ZC3H7B: variants seen among roughly 807,000 people sequenced by gnomAD.
ZC3H7B encodes the protein zinc finger CCCH domain-containing protein 7B.
ZC3H7B carries 35 observed loss-of-function variants against 116.0 expected under a neutral mutation model. The ratio of observed to expected loss-of-function variants is 0.30; its 90% CI spans 0.23 to 0.40. The LOEUF (loss-of-function observed/expected upper bound fraction) is 0.40. Among genes scored for constraint, ZC3H7B ranks in the 10% least tolerant of loss-of-function variants. The pLI is 1.00. For missense variants in ZC3H7B, 1,011 were observed against 1,321.5 expected, an observed-to-expected ratio of 0.77 and a Z score of 3.64; for synonymous variants, 502 against 545.6, an observed-to-expected ratio of 0.92 and a Z score of 1.11.
rs1015357938 is a variant in ZC3H7B at position 41,359,554 on chromosome 22, G to A, written c.*2125G>A. The A allele has an allele frequency of 1.3e-5, 2 of 152,206 alleles. No individual in the cohort carries two copies. Among genetic ancestry groups the A allele is most frequent in the Admixed American group, 6.5e-5 (1 of 15,270 alleles). The allele number at this position is 152,206 out of a possible 1,614,324, so 9.4% of individuals were successfully genotyped here. On this transcript the variant is annotated 3_prime_UTR_variant, in exon 23 of 23. Coordinates refer to ENST00000352645, the MANE Select transcript of ZC3H7B (RefSeq NM_017590.6). ...GCTTCCCAGACCACCCCCATCGAGTGCGGAGAGAGTGGGAGTGCTCAGGGA... is the reference window on the plus strand; with the variant it reads ...GCTTCCCAGACCACCCCCATCGAGTACGGAGAGAGTGGGAGTGCTCAGGGA...
At position 41,330,121 on chromosome 22, in the gene ZC3H7B, C is replaced by T; in HGVS notation, c.525+18C>T. ...GGCCCCAGGTAGGTGGGTTCGGGAC[C>T]CTGGGAGGGTCGGTGTGGACGTGAG... On this transcript the variant is annotated intron_variant, in intron 6 of 22. Transcript: ENST00000352645. 2 of 1,613,428 alleles carry T rather than the reference C, an allele frequency of 1.2e-6. No homozygotes were observed. The highest frequency in any genetic ancestry group is 1.1e-5 in the South Asian group (1 of 91,032).
At chr22:41,352,537 C>T (rs1233267956) in intron 17 of ZC3H7B, among the ~76,000 whole-genome samples, 5 of 152,104 alleles carry the variant, frequency 3.3e-5, no homozygotes, top group Admixed American at 6.5e-5. Flanking sequence ...CTGAGGCGGG[C>T]GGGTCACGAG....
At chr22:41,356,192 A>G in intron 20 of ZC3H7B, 130 bp downstream of exon 20, 7 of 1,472,844 alleles carry the variant, frequency 4.8e-6, no homozygotes, top group Non-Finnish European at 6.4e-6. Flanking sequence ...CACCTGCCCC[A>G]TGCCGGGCCC....
intron 13 of ZC3H7B, among the ~76,000 whole-genome samples, chr22:41,345,043 T>C (rs925869767): frequency 1.4e-4 from 21 of 152,072 alleles, no homozygotes; most frequent in African/African-American, 4.6e-4. Context: ...TTGAAGTCCT[T>C]GCCTCAAGCA....
chr22:41,313,570 C>A (rs1447585079), intron 1 of ZC3H7B, among the ~76,000 whole-genome samples: 1 of 152,082 alleles, frequency 6.6e-6, no homozygotes, highest in African/African-American at 2.4e-5. Context: ...GCAGGGCCTG[C>A]CTTGCTCATT....
intron 1 of ZC3H7B, among the ~76,000 whole-genome samples, chr22:41,303,959 G>A (rs1432487346): frequency 2.0e-5 from 3 of 152,152 alleles, no homozygotes; most frequent in South Asian, 2.1e-4. Context: ...GGGTTTCACC[G>A]TGTTAGCCAG....
rs539225270 is a variant in ZC3H7B, at chr22:41,346,926, C to T, written c.1665+718C>T. ...AGGCTGCAGTGAGCCAAGATCGAAC[C>T]ACTGCACTCCAGCCTGGGTGACAGA... is the stretch of plus-strand genomic sequence containing the variant. On this transcript the variant is annotated intron_variant, in intron 14 of 22. Transcript: ENST00000352645. The surrounding 1 kb of genome is among the most constrained non-coding windows in gnomAD (Gnocchi z 5.3). Among the ~76,000 whole-genome samples the T allele has an allele frequency of 6.6e-6, 1 of 150,688 alleles. No individual in the cohort carries two copies. The highest frequency in any genetic ancestry group is 2.5e-5 in the African/African-American group (1 of 40,794).
chr22:41,353,679 A>T (rs2036680498), intron 17 of ZC3H7B, among the ~76,000 whole-genome samples: 1 of 152,208 alleles, frequency 6.6e-6, no homozygotes, highest in South Asian at 2.1e-4. Flanking sequence ...GAGGCTGACC[A>T]GGGTGTGGCA....
Position 41,338,389 on chromosome 22 carries a change from T to C in ZC3H7B, c.625+34T>C, listed in dbSNP as rs373953521. On this transcript the variant is annotated intron_variant, in intron 8 of 22. Transcript: ENST00000352645. This position sits in a 1 kb window ranked among gnomAD's most constrained non-coding sequence, Gnocchi z 4.5. The stretch of plus-strand genomic sequence containing the variant: ...CCCGATACGAGGGAACAAGTGGAAA[T>C]TGGGGCCCCGAGAGGTCAGGGGAGT... 70 of 1,610,460 alleles carry C rather than the reference T, an allele frequency of 4.3e-5. No individual in the cohort carries two copies. The highest frequency in any genetic ancestry group is 3.3e-4 in the African/African-American group (25 of 74,890).
rs1264951064 is a variant in ZC3H7B, at chr22:41,356,765, T to G, written c.2638T>G (p.Trp880Gly). 6.2e-7 allele frequency: 1 copy of G among 1,613,484 alleles called. No individual in the cohort carries two copies. The highest frequency in any genetic ancestry group is 1.3e-5 in the African/African-American group (1 of 74,946). Residue 880 changes from tryptophan to glycine, a missense_variant, in exon 22 of 23, where the codon TGG (tryptophan) becomes GGG (glycine). By Grantham distance (184) the Trp-to-Gly change is radical. Transcript: ENST00000352645. ...CACGTCCGACAGTGACGCCAGCGGC[T>G]GGGCCTTCCGCTTCCCCATGGGCGA... The part of the protein sequence containing the change: ...VFTSDSDASG[W>G]AFRFPMGEFR...
chr22:41,338,565 G>T lies in ZC3H7B; in HGVS notation c.625+210G>T, dbSNP rs537031331. Among the ~76,000 whole-genome samples the T allele has an allele frequency of 1.1e-4, 16 of 152,222 alleles. No individual in the cohort carries two copies. The highest frequency in any genetic ancestry group is 3.4e-4 in the African/African-American group (14 of 41,534). On this transcript the variant is annotated intron_variant, in intron 8 of 22. Transcript: ENST00000352645. The surrounding 1 kb of genome is among the most constrained non-coding windows in gnomAD (Gnocchi z 4.5). ...GGCATCTCTAGTCTGGCAGAGAGGGGTGCTGCCTCTTAGCTAGGTGCAACA... is the reference window on the plus strand; with the variant it reads ...GGCATCTCTAGTCTGGCAGAGAGGGTTGCTGCCTCTTAGCTAGGTGCAACA...
At chr22:41,306,925 T>C (rs183516509) in intron 1 of ZC3H7B, among the ~76,000 whole-genome samples, 1 of 150,266 alleles carries the variant, frequency 6.7e-6, no homozygotes, top group African/African-American at 2.4e-5. Flanking sequence ...GGGCTGATGA[T>C]GGGCTGTGCG....
chr22:41,305,549 A>G (rs1044070516), intron 1 of ZC3H7B, among the ~76,000 whole-genome samples: 3 of 152,054 alleles, frequency 2.0e-5, no homozygotes, highest in Admixed American at 1.3e-4. Flanking sequence ...TGAATTAGCA[A>G]ATGAAACTGG....
At chr22:41,324,096 G>T (rs1484235385) in intron 2 of ZC3H7B, among the ~76,000 whole-genome samples, 2 of 151,974 alleles carry the variant, frequency 1.3e-5, no homozygotes, top group Admixed American at 6.6e-5. Flanking sequence ...TCTTAGGACC[G>T]CATGACCTAT....
At chr22:41,308,391 T>C (rs184803316) in intron 1 of ZC3H7B, among the ~76,000 whole-genome samples, 1 of 152,306 alleles carries the variant, frequency 6.6e-6, no homozygotes, top group East Asian at 1.9e-4. Context: ...CTCCTGTTCA[T>C]GCTGGCTGTA....
At chr22:41,311,152 A>G (rs2036114399) in intron 1 of ZC3H7B, among the ~76,000 whole-genome samples, 1 of 148,910 alleles carries the variant, frequency 6.7e-6, no homozygotes, top group South Asian at 2.1e-4. Context: ...GGGGAGTGAC[A>G]TTGGCATATG....
Position 41,314,181 on chromosome 22 carries a change from G to A in ZC3H7B, c.-6-6474G>A, listed in dbSNP as rs1027787321. On this transcript the variant is annotated intron_variant, in intron 1 of 22. Coordinates refer to ENST00000352645, the MANE Select transcript of ZC3H7B (RefSeq NM_017590.6). ...TTTATTTATTTATTTTTTTGAGATG[G>A]AGTCTTGCTCTGTCACCCAGGCTGG... is the stretch of plus-strand genomic sequence containing the variant. Among the ~76,000 whole-genome samples the A allele has an allele frequency of 2.0e-5, 3 of 150,290 alleles. No homozygotes were observed. In the South Asian group the frequency reaches 6.3e-4, roughly 32 times the overall value.
chr22:41,356,787 G>T lies in ZC3H7B; in HGVS notation c.2660G>T (p.Gly887Val). The change falls in exon 22 of 23, where the codon GGC (glycine) becomes GTC (valine). Residue 887 changes from glycine to valine, a missense_variant. Gly to Val is a moderately radical substitution (Grantham distance 109). This residue lies in a region of ZC3H7B where 406 missense variants were observed against 590.2 expected (regional missense o/e 0.69). Coordinates refer to ENST00000352645, the MANE Select transcript of ZC3H7B (RefSeq NM_017590.6). Reference sequence around the variant, plus strand: ...GGCTGGGCCTTCCGCTTCCCCATGGGCGAGTTCCGGCTCTGCGACAGGTGC... The same window carrying T: ...GGCTGGGCCTTCCGCTTCCCCATGGTCGAGTTCCGGCTCTGCGACAGGTGC... ...ASGWAFRFPM[G>V]EFRLCDRLQK... The T allele has an allele frequency of 6.2e-7, 1 of 1,613,486 alleles. No individual in the cohort carries two copies. The highest frequency in any genetic ancestry group is 8.5e-7 in the Non-Finnish European group (1 of 1,179,976).
intron 17 of ZC3H7B, among the ~76,000 whole-genome samples, chr22:41,352,905 C>T (rs747641296): frequency 3.3e-5 from 5 of 151,720 alleles, no homozygotes; most frequent in Non-Finnish European, 7.4e-5. Context: ...TGACGAAACC[C>T]CGTCTCTACT....
Sources: gnomAD v4.1 joint callset for allele counts (sites outside exome capture counted in the v4.1 genomes callset) on GRCh38, gnomAD v4.1.1 for gene constraint, gnomAD v4.1.1 regional missense constraint, Gnocchi (gnomAD v3.1) non-coding constraint, MANE v1.5 for transcripts, NCBI Gene and HGNC (gene_info 2026-07-23, HGNC 2026-07-21) for gene names.